The following URI1 variants were observed in gnomAD, a reference collection of about 807,000 sequenced individuals.
The protein encoded by URI1 is URI1 prefoldin like chaperone.
In URI1, 39 loss-of-function variants were observed where a neutral mutation model predicts 60.2. That is an observed-to-expected ratio of 0.65 (90% confidence interval 0.50 to 0.85). URI1 has a LOEUF of 0.85. URI1 is among the 40% of genes least tolerant of loss of function. The pLI is 0.00. For missense variants in URI1, 691 were observed against 665.9 expected (o/e 1.04, Z -0.42); for synonymous variants, 251 against 236.8 (o/e 1.06, Z -0.55).
At chr19:29,951,205 C>T (rs1160281439) in intron 1 of URI1, among the ~76,000 whole-genome samples, 2 of 152,104 alleles carry the variant, frequency 1.3e-5, no homozygotes, top group South Asian at 2.1e-4. Context: ...TGTTGCTAAC[C>T]ACTTGTTTAA....
intron 1 of URI1, chr19:29,956,255 C>T (rs553507858): frequency 2.0e-4 from 127 of 619,976 alleles, no homozygotes; most frequent in Non-Finnish European, 3.1e-4. Flanking sequence ...ATTTTACAGG[C>T]ATGAGCCACG....
intron 1 of URI1, among the ~76,000 whole-genome samples, chr19:29,955,571 G>T (rs912315270): frequency 6.6e-6 from 1 of 152,034 alleles, no homozygotes; most frequent in Non-Finnish European, 1.5e-5. Flanking sequence ...AGAAATAGAA[G>T]AATATTATAT....
chr19:29,956,390 G>T (rs1033361005), intron 1 of URI1: 16 of 1,403,802 alleles, frequency 1.1e-5, no homozygotes, highest in African/African-American at 1.5e-5. Flanking sequence ...TCTTCTTTCT[G>T]TAGCTGGATA....
At position 30,005,847 on chromosome 19, in the gene URI1, A is replaced by G. The variant is rs1028186365; in HGVS notation, c.517+139A>G. 1.1e-5 allele frequency: 8 copies of G among 710,302 alleles called. No homozygotes were observed. In the African/African-American group the frequency reaches 1.5e-4, roughly 13 times the overall value. 44.0% of individuals were successfully genotyped at this position (710,302 alleles called of 1,614,324 possible). A position where few individuals can be genotyped will look rare whatever the true frequency, so the allele number is the denominator to read the frequency against. ...GATGCCAACATTTTTCTACTCATTG[A>G]TTTTTTTTTATGTGAAACATTAATG... On this transcript the variant is annotated intron_variant, in intron 6 of 10. Transcript: ENST00000392271.
intron 1 of URI1, among the ~76,000 whole-genome samples, chr19:29,959,023 C>T (rs754162892): frequency 1.3e-4 from 19 of 151,950 alleles, no homozygotes; most frequent in Middle Eastern, 3.2e-3. Flanking sequence ...GTAATGTCGA[C>T]GTAAGGATTT....
At chr19:30,007,704 T>G in intron 7 of URI1, 66 bp downstream of exon 7, 1 of 1,375,636 alleles carries the variant, frequency 7.3e-7, no homozygotes, top group Non-Finnish European at 9.7e-7. Context: ...ATTAATCTTT[T>G]TCTTCATTAA....
At chr19:29,976,203 T>A (rs2055520908) in intron 2 of URI1, among the ~76,000 whole-genome samples, 1 of 152,184 alleles carries the variant, frequency 6.6e-6, no homozygotes, top group Non-Finnish European at 1.5e-5. Context: ...ATTTTACTGC[T>A]CCTTAGTAAA....
rs755670302 is a variant in URI1, at chr19:30,009,232, A to G, written c.914A>G (p.Asp305Gly). 1.2e-6 allele frequency: 2 copies of G among 1,612,754 alleles called. No homozygotes were observed. Among genetic ancestry groups the G allele is most frequent in the South Asian group, 1.1e-5 (1 of 91,014 alleles). Reference sequence around the variant, plus strand: ...CACAGTGATGATGATGATGATGATGATGATGACGACGACGACGACAACATT... The same window carrying G: ...CACAGTGATGATGATGATGATGATGGTGATGACGACGACGACGACAACATT... ...SYHSDDDDDD[D>G]DDDDDDNIDD... The change falls in exon 8 of 11, where the codon GAT (aspartate) becomes GGT (glycine). Residue 305 changes from aspartate (D) to glycine (G), a missense_variant. Coordinates refer to ENST00000392271, the MANE Select transcript of URI1 (RefSeq NM_003796.3).
intron 1 of URI1, among the ~76,000 whole-genome samples, chr19:29,934,893 C>T (rs369404660): frequency 5.8e-4 from 88 of 152,184 alleles, no homozygotes; most frequent in Non-Finnish European, 7.6e-4. Flanking sequence ...TCCATCCTTT[C>T]GAATCTTTTG....
chr19:29,987,576 G>A (rs1427856830), intron 4 of URI1, among the ~76,000 whole-genome samples: 2 of 152,074 alleles, frequency 1.3e-5, no homozygotes, highest in Non-Finnish European at 2.9e-5. Flanking sequence ...TACTGAAGAC[G>A]AAGCCTCTCT....
intron 5 of URI1, 25 bp from the exon 6 acceptor site, chr19:30,005,625 AC>A: frequency 2.5e-5 from 40 of 1,604,326 alleles, no homozygotes; most frequent in Non-Finnish European, 3.4e-5. Flanking sequence ...TGTTGTTAAT[AC>A]GCTTTTTTTT....
intron 1 of URI1, among the ~76,000 whole-genome samples, chr19:29,934,829 A>G (rs2054955235): frequency 6.6e-6 from 1 of 152,012 alleles, no homozygotes; most frequent in Admixed American, 6.6e-5. Flanking sequence ...GATTGGTAGC[A>G]TAAGTGCTGG....
intron 1 of URI1, among the ~76,000 whole-genome samples, chr19:29,968,233 GT>G (rs1011508095): frequency 1.3e-5 from 2 of 151,860 alleles, no homozygotes; most frequent in East Asian, 1.9e-4. Flanking sequence ...AATACAATAA[GT>G]TTTTTTTCTT....
intron 2 of URI1, among the ~76,000 whole-genome samples, chr19:29,983,866 A>C (rs974472393): frequency 5.3e-5 from 8 of 152,188 alleles, no homozygotes; most frequent in African/African-American, 1.9e-4. Flanking sequence ...GGTTGTTTGA[A>C]ATTACTTATT....
exon 1 of URI1, chr19:29,923,747 A>G (rs1321547416): frequency 4.6e-6 from 7 of 1,536,726 alleles, no homozygotes; most frequent in Non-Finnish European, 5.2e-6. Flanking sequence ...GCTCTGGCAT[A>G]TGCATTGGTG....
At chr19:29,964,852 C>T (rs918963376) in intron 1 of URI1, among the ~76,000 whole-genome samples, 3 of 150,176 alleles carry the variant, frequency 2.0e-5, no homozygotes, top group African/African-American at 4.9e-5. Context: ...AGTATATTTT[C>T]CTGTTTTTTT....
chr19:29,949,780 C>T (rs973938953), intron 1 of URI1, among the ~76,000 whole-genome samples: 6 of 152,148 alleles, frequency 3.9e-5, no homozygotes, highest in Admixed American at 6.5e-5. Flanking sequence ...CGTGGCGGCG[C>T]GCGCCTGCAA....
intron 1 of URI1, among the ~76,000 whole-genome samples, chr19:29,928,383 T>C (rs2054888668): frequency 6.6e-6 from 1 of 152,130 alleles, no homozygotes; most frequent in Non-Finnish European, 1.5e-5. Context: ...AGGCCAACCC[T>C]GAGGCCCCTG....
At chr19:29,938,178 A>G (rs1176269723), upstream of URI1, among the ~76,000 whole-genome samples, 1 of 152,042 alleles carries the variant, frequency 6.6e-6, no homozygotes, top group African/African-American at 2.4e-5. Flanking sequence ...ATTTGTAAAG[A>G]AAGGAGGTTT....
Sources: gnomAD v4.1 joint callset for allele counts (sites outside exome capture counted in the v4.1 genomes callset) on GRCh38, gnomAD v4.1.1 for gene constraint, MANE v1.5 for transcripts, NCBI Gene and HGNC (gene_info 2026-07-23, HGNC 2026-07-21) for gene names.